Variants in CCDC178 observed in about 807,000 individuals in gnomAD.
CCDC178 encodes coiled-coil domain containing 178.
A neutral mutation model predicts 117.4 loss-of-function variants in CCDC178; 126 were observed. That is an observed-to-expected ratio of 1.07 (90% CI 0.93 to 1.24). The LOEUF (loss-of-function observed/expected upper bound fraction) is 1.24, where lower values mean the gene tolerates loss of function less well. Ranked by LOEUF, CCDC178 falls within the 50% of genes most tolerant of loss-of-function variation. The pLI is 0.00. For synonymous variants in CCDC178, 283 were observed against 313.4 expected (o/e 0.90, Z 1.02); for missense variants, 1,030 against 986.9 (o/e 1.04, Z -0.59).
At chr18:33,225,107 A>G (rs2059286905) in intron 16 of CCDC178, among the ~76,000 whole-genome samples, 171 bp from the exon 17 acceptor site, 1 of 150,426 alleles carries the variant, frequency 6.6e-6, no homozygotes. Flanking sequence ...ATATTATATT[A>G]CATATATTAT....
intron 12 of CCDC178, among the ~76,000 whole-genome samples, chr18:33,289,111 T>G (rs1350434472): frequency 6.6e-6 from 1 of 152,198 alleles, no homozygotes; most frequent in Non-Finnish European, 1.5e-5. Context: ...TTTTTGTTTT[T>G]GTTTAGTGTT....
At chr18:33,286,867 T>C (rs1024404748) in intron 12 of CCDC178, among the ~76,000 whole-genome samples, 2 of 152,124 alleles carry the variant, frequency 1.3e-5, no homozygotes, top group Middle Eastern at 3.2e-3. Context: ...TACAAGAAAC[T>C]AAAAATTGCA....
chr18:33,207,087 AC>A (rs1436471444), intron 20 of CCDC178, among the ~76,000 whole-genome samples: 1 of 152,162 alleles, frequency 6.6e-6, no homozygotes, highest in Non-Finnish European at 1.5e-5. Flanking sequence ...TGGCAGGCTA[AC>A]CAGTTAACTT....
At chr18:33,391,396 G>A (rs1013367889) in intron 4 of CCDC178, among the ~76,000 whole-genome samples, 4 of 151,954 alleles carry the variant, frequency 2.6e-5, no homozygotes, top group Non-Finnish European at 5.9e-5. Context: ...TTCATCTGTG[G>A]CATATGAAGT....
chr18:32,956,841 T>C (rs1225185639), intron 22 of CCDC178: 1 of 152,134 alleles, frequency 6.6e-6, no homozygotes, highest in Admixed American at 6.6e-5. Context: ...CTCATAATAT[T>C]AGAAAGAACT....
At chr18:33,402,398 G>T (rs1599275659) in intron 3 of CCDC178, among the ~76,000 whole-genome samples, 1 of 152,256 alleles carries the variant, frequency 6.6e-6, no homozygotes, top group East Asian at 1.9e-4. Context: ...GACTCTGAAG[G>T]TCAACAGAGC....
intron 15 of CCDC178, among the ~76,000 whole-genome samples, chr18:33,227,566 A>G (rs1268670105): frequency 9.7e-5 from 14 of 144,102 alleles, no homozygotes; most frequent in Non-Finnish European, 1.7e-4. Context: ...GTATATATAT[A>G]TATATATATA....
Position 33,289,084 on chromosome 18 carries a change from GT to G in CCDC178, c.1176+4074del, listed in dbSNP as rs767191227. ...CCAGTGTTTTTGGTTTAGTGGGTTG[GT>G]TTTTTTGTTTGTTTGTTTTTGTTTT... On this transcript the variant is annotated intron_variant, in intron 12 of 22. Transcript: ENST00000383096. 1.3e-5 allele frequency among the ~76,000 whole-genome samples: 2 copies of G among 151,942 alleles called. 1 individual carries two copies. The highest frequency in any genetic ancestry group is 3.9e-4 in the East Asian group (2 of 5,176).
intron 14 of CCDC178, among the ~76,000 whole-genome samples, chr18:33,262,341 A>G (rs2059761007): frequency 6.6e-6 from 1 of 152,212 alleles, no homozygotes; most frequent in African/African-American, 2.4e-5. Context: ...TGCCATACAC[A>G]ATCCCAATCA....
intron 20 of CCDC178, among the ~76,000 whole-genome samples, chr18:33,211,649 T>C (rs1012440025): frequency 5.3e-5 from 8 of 151,788 alleles, no homozygotes; most frequent in Admixed American, 4.6e-4. Flanking sequence ...ATTAATAGAC[T>C]TCAAAATAAA....
intron 14 of CCDC178, among the ~76,000 whole-genome samples, chr18:33,247,992 T>C (rs532381787): frequency 2.6e-5 from 4 of 151,710 alleles, no homozygotes; most frequent in African/African-American, 9.7e-5. Flanking sequence ...GAGAAAAAAA[T>C]AGGACCACAG....
chr18:33,296,592 A>T (rs1173267836), intron 11 of CCDC178, among the ~76,000 whole-genome samples: 1 of 152,208 alleles, frequency 6.6e-6, no homozygotes, highest in Non-Finnish European at 1.5e-5. Context: ...ATAAAGATTT[A>T]AAAAGCAAAA....
rs2059510373 is a variant in CCDC178, at chr18:33,243,346, T to A, written c.1593+1899A>T. Reference sequence around the variant, plus strand: ...TCTCGTGTTCCATACCACTGTAGGATCACTATGGTTAAGAATAATATACAT... The same window carrying A: ...TCTCGTGTTCCATACCACTGTAGGAACACTATGGTTAAGAATAATATACAT... On this transcript the variant is annotated intron_variant, in intron 15 of 22. Transcript: ENST00000383096. Among the ~76,000 whole-genome samples the A allele has an allele frequency of 2.0e-5, 3 of 151,918 alleles. No individual in the cohort carries two copies. In the South Asian group the frequency reaches 6.2e-4, roughly 32 times the overall value.
At chr18:33,141,072 T>C (rs545875954) in intron 20 of CCDC178, among the ~76,000 whole-genome samples, 2 of 152,256 alleles carry the variant, frequency 1.3e-5, no homozygotes, top group African/African-American at 4.8e-5. Flanking sequence ...TGCTCCTCCT[T>C]GCCTTCCGCC....
chr18:33,166,332 C>T (rs1314618608), intron 20 of CCDC178, among the ~76,000 whole-genome samples: 4 of 152,116 alleles, frequency 2.6e-5, no homozygotes, highest in African/African-American at 7.2e-5. Flanking sequence ...TACAATAAAA[C>T]GATTATTAAA....
chr18:33,176,801 G>A (rs1264509770), intron 20 of CCDC178, among the ~76,000 whole-genome samples: 2 of 151,944 alleles, frequency 1.3e-5, no homozygotes, highest in East Asian at 1.9e-4. Flanking sequence ...AAAAATAAGA[G>A]TTTTCTTTTA....
chr18:33,164,824 C>T lies in CCDC178; in HGVS notation c.2238+47072G>A, dbSNP rs570571045. On this transcript the variant is annotated intron_variant, in intron 20 of 22. Transcript: ENST00000383096. ...TTGTGGATATTTTTCTTTGATACTA[C>T]ACCCCAACTCAGCAAGAGGTAGTTT... 2.0e-5 allele frequency among the ~76,000 whole-genome samples: 3 copies of T among 152,230 alleles called. No homozygotes were observed. The East Asian group carries it at 5.8e-4, about 29-fold the overall frequency.
In CCDC178 at chr18:33,215,711, C is replaced by T. The variant is rs148600773; in HGVS notation, c.1933-16G>A. 2 of 1,473,574 alleles carry T rather than the reference C, an allele frequency of 1.4e-6. No homozygotes were observed. Among genetic ancestry groups the T allele is most frequent in the East Asian group, 5.2e-5 (2 of 38,196 alleles). The allele number at this position is 1,473,574 out of a possible 1,614,324, so 91.3% of individuals were successfully genotyped here. A position where few individuals can be genotyped will look rare whatever the true frequency, so the allele number is the denominator to read the frequency against. ...AGCGTTTACTCTGAAAAAAAATATA[C>T]ACAAGTGTTTATTTTAAATACTTGG... is the stretch of plus-strand genomic sequence containing the variant. On this transcript the variant is annotated splice_polypyrimidine_tract_variant and intron_variant, in intron 18 of 22. Coordinates refer to ENST00000383096, the MANE Select transcript of CCDC178 (RefSeq NM_001105528.4).
intron 20 of CCDC178, among the ~76,000 whole-genome samples, chr18:33,118,422 C>G (rs990790462): frequency 9.2e-5 from 14 of 152,064 alleles, no homozygotes; most frequent in African/African-American, 3.4e-4. Context: ...CCCTACTGAT[C>G]CACTACCAAA....
Sources: gnomAD v4.1 joint callset for allele counts (sites outside exome capture counted in the v4.1 genomes callset) on GRCh38, gnomAD v4.1.1 for gene constraint, MANE v1.5 for transcripts, NCBI Gene and HGNC (gene_info 2026-07-23, HGNC 2026-07-21) for gene names.